The following COL27A1 variants were observed in gnomAD, a reference collection of about 807,000 sequenced individuals.
COL27A1 encodes the protein collagen type XXVII alpha 1 chain.
In COL27A1, 106 loss-of-function variants were observed where a neutral mutation model predicts 251.3. The observed-to-expected ratio is 0.42, with a 90% CI of 0.36 to 0.50. The LOEUF (loss-of-function observed/expected upper bound fraction) is 0.50. Among genes scored for constraint, COL27A1 ranks in the 20% least tolerant of loss-of-function variants. The probability of loss-of-function intolerance (pLI) is 0.00; values close to 1 mark genes in which losing one functional copy is unlikely to be tolerated. For missense variants in COL27A1, 2,325 were observed against 2,522.8 expected (o/e 0.92, Z 1.68); for synonymous variants, 1,000 against 986.3 (o/e 1.01, Z -0.26).
In COL27A1 at chr9:114,194,443, C is replaced by T. The variant is rs1185469482; in HGVS notation, c.2056C>T (p.His686Tyr). The T allele has an allele frequency of 1.2e-6, 2 of 1,612,524 alleles. No individual in the cohort carries two copies. Among genetic ancestry groups the T allele is most frequent in the East Asian group, 4.5e-5 (2 of 44,772 alleles). ...GDPGLSPGKA[H>Y]DGAKGDMGLP... is the part of the protein sequence containing the mutation. ...CCCAGGGCTCTCACCAGGAAAGGCCCACGATGGGGCAAAGGTAGGTTTCCA... is the reference window on the plus strand; with the variant it reads ...CCCAGGGCTCTCACCAGGAAAGGCCTACGATGGGGCAAAGGTAGGTTTCCA... Residue 686 changes from histidine (H) to tyrosine (Y), a missense_variant, in exon 6 of 61, where the codon CAC becomes TAC. By Grantham distance (83) the His-to-Tyr change is moderately conservative (BLOSUM62 2). Transcript: ENST00000356083.
intron 10 of COL27A1, among the ~76,000 whole-genome samples, chr9:114,208,751 G>A (rs886065283): frequency 6.6e-6 from 1 of 152,130 alleles, no homozygotes; most frequent in Non-Finnish European, 1.5e-5. Flanking sequence ...GGATGCTACC[G>A]AGGTGCAAAA....
At chr9:114,217,597 A>C (rs573471453) in intron 12 of COL27A1, among the ~76,000 whole-genome samples, 18 of 152,376 alleles carry the variant, frequency 1.2e-4, no homozygotes, top group Non-Finnish European at 2.4e-4. Context: ...CCAAGGTCAG[A>C]CAGCCAGCCT....
intron 12 of COL27A1, among the ~76,000 whole-genome samples, chr9:114,211,954 T>C (rs576740382): frequency 2.0e-5 from 3 of 152,190 alleles, no homozygotes; most frequent in African/African-American, 4.8e-5. Flanking sequence ...TGGTGGTTGG[T>C]GAGGAAGGGA....
intron 12 of COL27A1, among the ~76,000 whole-genome samples, chr9:114,213,302 ATCC>A (rs746205045): frequency 1.3e-5 from 2 of 152,196 alleles, no homozygotes; most frequent in East Asian, 3.9e-4. Context: ...CATCCTCTGC[ATCC>A]TCCTCATCTC....
At chr9:114,262,597 C>G (rs759646691) in intron 28 of COL27A1, among the ~76,000 whole-genome samples, 6 of 152,222 alleles carry the variant, frequency 3.9e-5, no homozygotes, top group Non-Finnish European at 8.8e-5. Context: ...TGGGCATCGC[C>G]TCCTGTCTTG....
At chr9:114,287,287 G>A (rs1827562429) in intron 41 of COL27A1, among the ~76,000 whole-genome samples, 1 of 152,160 alleles carries the variant, frequency 6.6e-6, no homozygotes, top group Non-Finnish European at 1.5e-5. Context: ...CAATCCCTAT[G>A]AACAAAGGGG....
At chr9:114,213,717 C>T (rs117761634) in intron 12 of COL27A1, among the ~76,000 whole-genome samples, 80 of 152,322 alleles carry the variant, frequency 5.3e-4, no homozygotes, top group Non-Finnish European at 7.9e-4. Context: ...ACATGCGATT[C>T]TCCCAGTGAA....
At chr9:114,197,803 C>T (rs1829259907) in intron 7 of COL27A1, among the ~76,000 whole-genome samples, 1 of 152,260 alleles carries the variant, frequency 6.6e-6, no homozygotes, top group African/African-American at 2.4e-5. Context: ...TCCCCTCTGG[C>T]CCTGGCCTAG....
intron 28 of COL27A1, among the ~76,000 whole-genome samples, chr9:114,261,612 C>T (rs1032794792): frequency 6.6e-6 from 1 of 152,212 alleles, no homozygotes; most frequent in African/African-American, 2.4e-5. Context: ...AGTGAGTTCT[C>T]TCAGATAAGA....
chr9:114,194,897 G>T (rs1367457977), intron 6 of COL27A1, among the ~76,000 whole-genome samples: 1 of 152,158 alleles, frequency 6.6e-6, no homozygotes, highest in African/African-American at 2.4e-5. Flanking sequence ...ATTTCTAGGA[G>T]GCTAGAGATT....
intron 35 of COL27A1, among the ~76,000 whole-genome samples, chr9:114,269,651 T>A (rs1449911596): frequency 7.4e-6 from 1 of 134,778 alleles, no homozygotes; most frequent in Non-Finnish European, 1.6e-5. Flanking sequence ...AAGAAGGATG[T>A]TGAGGTTCAG....
intron 28 of COL27A1, among the ~76,000 whole-genome samples, chr9:114,260,597 G>A (rs1834249648): frequency 6.6e-6 from 1 of 152,170 alleles, no homozygotes; most frequent in African/African-American, 2.4e-5. Flanking sequence ...CTGCCTATGT[G>A]TAGGACGGGC....
At chr9:114,242,095 C>A in intron 21 of COL27A1, 92 bp from the exon 22 acceptor site, 1 of 1,145,432 alleles carries the variant, frequency 8.7e-7, no homozygotes, top group Non-Finnish European at 1.2e-6. Flanking sequence ...TCTCCTCTGT[C>A]CATCCCTTTC....
At chr9:114,253,387 A>AAG (rs10652861) in intron 27 of COL27A1, among the ~76,000 whole-genome samples, 57,064 of 144,892 alleles carry the variant, frequency 0.39, 11,733 homozygotes, top group East Asian at 0.73. Context: ...GAAAGAAAGA[A>AAG]AAAAGAAAGA....
At chr9:114,266,860 G>C (rs1387777043) in intron 33 of COL27A1, among the ~76,000 whole-genome samples, 1 of 152,162 alleles carries the variant, frequency 6.6e-6, no homozygotes, top group African/African-American at 2.4e-5. Context: ...GAGGTACCAG[G>C]ACCCTTGTGG....
intron 16 of COL27A1, among the ~76,000 whole-genome samples, chr9:114,234,887 C>T (rs543958078): frequency 3.4e-5 from 5 of 147,534 alleles, no homozygotes; most frequent in Admixed American, 1.4e-4. Context: ...GGCAACATGG[C>T]GAAACCCCAT....
intron 49 of COL27A1, 52 bp downstream of exon 49, chr9:114,292,262 C>G: frequency 7.5e-7 from 1 of 1,340,400 alleles, no homozygotes. Flanking sequence ...CATGCACACA[C>G]TCACATACAC....
intron 33 of COL27A1, 68 bp from the exon 34 acceptor site, chr9:114,267,436 G>T (rs1834821808): frequency 7.0e-7 from 1 of 1,423,854 alleles, no homozygotes; most frequent in Non-Finnish European, 9.7e-7. Context: ...TGGAGCCTCA[G>T]TTACCCCCTT....
At chr9:114,278,403 T>TGGTGATAGTGGGGGTGGG (rs1564562488) in intron 37 of COL27A1, among the ~76,000 whole-genome samples, 1 of 368 alleles carries the variant, frequency 2.7e-3, no homozygotes, top group South Asian at 0.1. Context: ...CTGGTGGCGA[T>TGGTGATAGTGGGGGTGGG]GGTGGTGGTG....
Sources: gnomAD v4.1 joint callset for allele counts (sites outside exome capture counted in the v4.1 genomes callset) on GRCh38, gnomAD v4.1.1 for gene constraint, MANE v1.5 for transcripts, NCBI Gene and HGNC (gene_info 2026-07-23, HGNC 2026-07-21) for gene names.